Variants in ODAD4 observed in about 807,000 individuals in gnomAD.
The protein encoded by ODAD4 is outer dynein arm docking complex subunit 4.
A neutral mutation model predicts 51.8 loss-of-function variants in ODAD4; 49 were observed. The ratio of observed to expected loss-of-function variants is 0.95; its 90% CI spans 0.75 to 1.20. The LOEUF (loss-of-function observed/expected upper bound fraction) is 1.20, where lower values mean the gene tolerates loss of function less well. ODAD4 is among the 50% of genes most tolerant of loss of function. The pLI, the probability that ODAD4 is intolerant of heterozygous loss-of-function variation, is 0.00. For missense variants in ODAD4, 590 were observed against 586.5 expected, an observed-to-expected ratio of 1.01 and a Z score of -0.06; for synonymous variants, 235 against 221.3, an observed-to-expected ratio of 1.06 and a Z score of -0.55.
At chr17:41,964,297 G>GT (rs781915819) in intron 11 of ODAD4, among the ~76,000 whole-genome samples, 2 of 150,966 alleles carry the variant, frequency 1.3e-5, no homozygotes, top group Non-Finnish European at 3.0e-5. Context: ...CTGACCTCAG[G>GT]TGATCCACCT....
intron 10 of ODAD4, among the ~76,000 whole-genome samples, chr17:41,959,851 T>A (rs2050781283): frequency 6.6e-6 from 1 of 151,918 alleles, no homozygotes; most frequent in Non-Finnish European, 1.5e-5. Flanking sequence ...AGGCTAACAC[T>A]GCCCTCTCAT....
At chr17:41,948,329 T>TC (rs2050613525) in intron 8 of ODAD4, among the ~76,000 whole-genome samples, 1 of 150,730 alleles carries the variant, frequency 6.6e-6, no homozygotes, top group Non-Finnish European at 1.5e-5. Flanking sequence ...TCCTTTTTTT[T>TC]TTTTTGAGAC....
chr17:41,962,128 T>G (rs1555641847), intron 11 of ODAD4, among the ~76,000 whole-genome samples: 1 of 151,642 alleles, frequency 6.6e-6, no homozygotes, highest in African/African-American at 2.4e-5. Flanking sequence ...CAGACAGGAG[T>G]GATCTTGTTG....
rs2144552720 is a variant in ODAD4 at position 41,966,112 on chromosome 17, G to A, written c.*629G>A. ...TACCTGCCTCAGGGGTTGCTGCGAG[G>A]ACTGAGTGCTTAGCACAGCACTTGG... On this transcript the variant is annotated 3_prime_UTR_variant, in exon 12 of 12. Transcript: ENST00000377540. Among the ~76,000 whole-genome samples the A allele has an allele frequency of 6.6e-6, 1 of 152,306 alleles. No individual in the cohort carries two copies. Among genetic ancestry groups the A allele is most frequent in the African/African-American group, 2.4e-5 (1 of 41,564 alleles).
Position 41,938,818 on chromosome 17 carries a change from C to T in ODAD4, c.850+37C>T, listed in dbSNP as rs781992789. On this transcript the variant is annotated intron_variant, in intron 6 of 11. Coordinates refer to ENST00000377540, the MANE Select transcript of ODAD4 (RefSeq NM_031421.5). ...TCTCAGAGGGTGGGGCAGGTGCCTC[C>T]AGTGCCTTATCAGGTGGGGAAGGAG... The T allele has an allele frequency of 3.1e-6, 5 of 1,603,082 alleles. No homozygotes were observed. In the South Asian group the frequency reaches 4.4e-5, roughly 14 times the overall value.
At chr17:41,944,181 G>C (rs1276181627) in intron 7 of ODAD4, among the ~76,000 whole-genome samples, 6 of 148,040 alleles carry the variant, frequency 4.1e-5, no homozygotes, top group African/African-American at 1.5e-4. Flanking sequence ...TGGGCCACAA[G>C]AGTGAAACTC....
At chr17:41,953,652 A>ATT (rs1418404503) in intron 9 of ODAD4, among the ~76,000 whole-genome samples, 6 of 145,824 alleles carry the variant, frequency 4.1e-5, no homozygotes, top group African/African-American at 1.5e-4. Flanking sequence ...TATTAATTTA[A>ATT]TTATATATAT....
intron 5 of ODAD4, 120 bp downstream of exon 5, chr17:41,937,047 G>T (rs2050439722): frequency 8.2e-7 from 1 of 1,217,486 alleles, no homozygotes; most frequent in African/African-American, 1.5e-5. Flanking sequence ...CTGTGGACAG[G>T]TTTTATTAGC....
chr17:41,942,662 G>A (rs1419501911), intron 7 of ODAD4, among the ~76,000 whole-genome samples: 1 of 152,114 alleles, frequency 6.6e-6, no homozygotes. Context: ...AGCAAGGTGG[G>A]CAAGGGGGAG....
intron 10 of ODAD4, among the ~76,000 whole-genome samples, chr17:41,955,666 C>T (rs1394420035): frequency 2.0e-5 from 3 of 152,060 alleles, no homozygotes; most frequent in African/African-American, 7.2e-5. Flanking sequence ...CTTTGTGATC[C>T]GCCCGCCTTG....
At chr17:41,950,312 C>T (rs2050636157) in intron 9 of ODAD4, among the ~76,000 whole-genome samples, 1 of 151,728 alleles carries the variant, frequency 6.6e-6, no homozygotes, top group Non-Finnish European at 1.5e-5. Flanking sequence ...TAGGCATTAT[C>T]ATCCTTATTT....
At chr17:41,931,520 G>A (rs960663339) in intron 1 of ODAD4, among the ~76,000 whole-genome samples, 1 of 152,114 alleles carries the variant, frequency 6.6e-6, no homozygotes, top group Non-Finnish European at 1.5e-5. Flanking sequence ...CTTATAAAAG[G>A]TGGCCAGTAA....
intron 1 of ODAD4, among the ~76,000 whole-genome samples, chr17:41,931,050 T>C (rs1245881237): frequency 2.0e-5 from 3 of 151,922 alleles, no homozygotes; most frequent in East Asian, 3.9e-4. Context: ...CGTGCCACCA[T>C]GCCCGGCTAA....
In ODAD4 at chr17:41,938,540, A is replaced by G. The variant is rs782699023; in HGVS notation, c.626-17A>G. 1.2e-6 allele frequency: 2 copies of G among 1,610,260 alleles called. No individual in the cohort carries two copies. Among genetic ancestry groups the G allele is most frequent in the Non-Finnish European group, 1.7e-6 (2 of 1,177,286 alleles). On this transcript the variant is annotated splice_polypyrimidine_tract_variant and intron_variant, in intron 5 of 11. Coordinates refer to ENST00000377540, the MANE Select transcript of ODAD4 (RefSeq NM_031421.5). ...GGCCTGTTCTCCTTGGCGCCTCCTCACACCCCTTCCCCACAGACCTGATCA... is the reference window on the plus strand; with the variant it reads ...GGCCTGTTCTCCTTGGCGCCTCCTCGCACCCCTTCCCCACAGACCTGATCA...
chr17:41,946,456 C>T (rs1555639572), intron 8 of ODAD4, among the ~76,000 whole-genome samples: 1 of 152,088 alleles, frequency 6.6e-6, no homozygotes, highest in Non-Finnish European at 1.5e-5. Context: ...TCCCGAGTAG[C>T]TGGCACTACA....
intron 5 of ODAD4, 104 bp from the exon 6 acceptor site, chr17:41,938,453 A>T: frequency 2.2e-6 from 2 of 896,412 alleles, no homozygotes; most frequent in Non-Finnish European, 3.5e-6. Context: ...CTCCAAGCAG[A>T]GCAAGTTCAC....
intron 7 of ODAD4, among the ~76,000 whole-genome samples, chr17:41,941,130 T>G (rs2050499655): frequency 6.6e-6 from 1 of 152,202 alleles, no homozygotes. Flanking sequence ...CTGTCCATAC[T>G]TTCTCTGTTT....
chr17:41,963,404 T>C (rs1427374081), intron 11 of ODAD4, among the ~76,000 whole-genome samples: 3 of 152,230 alleles, frequency 2.0e-5, no homozygotes, highest in East Asian at 1.9e-4. Flanking sequence ...CCTATCTTTT[T>C]CCTTATGTTT....
At chr17:41,956,748 CTAAA>C (rs1336392845) in intron 10 of ODAD4, among the ~76,000 whole-genome samples, 1 of 151,520 alleles carries the variant, frequency 6.6e-6, no homozygotes, top group African/African-American at 2.4e-5. Flanking sequence ...GACCCTGTCT[CTAAA>C]TAAATAAATA....
Sources: allele counts gnomAD v4.1 joint callset (sites outside exome capture counted in the v4.1 genomes callset), GRCh38; gene constraint gnomAD v4.1.1; transcripts MANE v1.5; gene names NCBI Gene and HGNC (gene_info 2026-07-23, HGNC 2026-07-21).